The following WAPL variants were observed in gnomAD, a reference collection of about 807,000 sequenced individuals.
WAPL encodes the protein WAPL cohesin release factor, also known as wings apart-like protein homolog.
In WAPL, 5 loss-of-function variants were observed where a neutral mutation model predicts 121.0. The observed-to-expected ratio is 0.04, with a 90% CI of 0.02 to 0.09. WAPL has a LOEUF of 0.09. WAPL is among the 10% of genes least tolerant of loss of function. The pLI is 1.00. For synonymous variants in WAPL, 480 were observed against 481.5 expected (o/e 1.00, Z 0.04); for missense variants, 999 against 1,410.8 (o/e 0.71, Z 4.68).
At chr10:86,491,340 C>T (rs962253683) in intron 4 of WAPL, among the ~76,000 whole-genome samples, 14 of 151,608 alleles carry the variant, frequency 9.2e-5, no homozygotes, top group Non-Finnish European at 1.0e-4. Flanking sequence ...GGGATTTCAC[C>T]GTGTTAGCCA....
intron 3 of WAPL, among the ~76,000 whole-genome samples, chr10:86,499,484 T>G (rs1842205978): frequency 6.6e-6 from 1 of 152,192 alleles, no homozygotes. Flanking sequence ...ATACCTATGA[T>G]AAAGTTTAAT....
At chr10:86,469,255 T>G (rs1841477280) in intron 8 of WAPL, among the ~76,000 whole-genome samples, 9 of 532 alleles carry the variant, frequency 0.017, 2 homozygotes, top group African/African-American at 0.16. Flanking sequence ...TTTTTTTTTT[T>G]TTTTTTTTTT....
At chr10:86,515,151 T>C (rs2132234079) in intron 2 of WAPL, among the ~76,000 whole-genome samples, 1 of 150,800 alleles carries the variant, frequency 6.6e-6, no homozygotes, top group East Asian at 2.0e-4. Flanking sequence ...TCCCAGCTAC[T>C]CGGGGGGACT....
rs3837338 is a variant in WAPL, at chr10:86,472,378, C to CTAGG, written c.1894-38_1894-35dup. ...AAAAAAAAAGTTCACCCCTTTTTAA[C>CTAGG]TAGGAACTAGCATATTTAAATCTAT... On this transcript the variant is annotated intron_variant, in intron 6 of 18. Coordinates refer to ENST00000298767, the MANE Select transcript of WAPL (RefSeq NM_015045.5). This position sits in a 1 kb window ranked among gnomAD's most constrained non-coding sequence, Gnocchi z 4.2. The CTAGG allele has an allele frequency of 6.7e-3, 10,605 of 1,584,338 alleles. 244 individuals are homozygous for CTAGG. In the African/African-American group the frequency reaches 0.077, roughly 11 times the overall value.
intron 12 of WAPL, among the ~76,000 whole-genome samples, 181 bp downstream of exon 12, chr10:86,458,808 T>C (rs1256753175): frequency 6.6e-6 from 1 of 152,212 alleles, no homozygotes; most frequent in African/African-American, 2.4e-5. Flanking sequence ...GAATCCACAC[T>C]GTCATTTTGT....
intron 16 of WAPL, 96 bp from the exon 17 acceptor site, chr10:86,443,459 C>A: frequency 2.1e-6 from 2 of 949,158 alleles, no homozygotes; most frequent in South Asian, 1.7e-5. Flanking sequence ...TTTAAAACTG[C>A]TACAAATCAA....
At chr10:86,499,321 G>GTTT (rs1842202428) in intron 3 of WAPL, among the ~76,000 whole-genome samples, 1 of 152,096 alleles carries the variant, frequency 6.6e-6, no homozygotes, top group African/African-American at 2.4e-5. Flanking sequence ...TGAGTATCTA[G>GTTT]GAAGAAACTA....
chr10:86,506,330 C>T (rs1010132061), intron 2 of WAPL, among the ~76,000 whole-genome samples: 2 of 152,204 alleles, frequency 1.3e-5, no homozygotes, highest in Non-Finnish European at 2.9e-5. Flanking sequence ...TGGCACAATT[C>T]TATTTCCTAA....
chr10:86,506,143 G>C (rs1842344367), intron 2 of WAPL, among the ~76,000 whole-genome samples: 1 of 152,182 alleles, frequency 6.6e-6, no homozygotes, highest in South Asian at 2.1e-4. Context: ...GCTGAGGCAG[G>C]AAGATTACCT....
chr10:86,489,518 G>A (rs1841997706), intron 4 of WAPL, among the ~76,000 whole-genome samples: 1 of 152,120 alleles, frequency 6.6e-6, no homozygotes, highest in African/African-American at 2.4e-5. Flanking sequence ...AGCAATGGGA[G>A]GAGGATGCAT....
At chr10:86,500,836 A>C (rs2132221847) in intron 2 of WAPL, 93 bp from the exon 3 acceptor site, 1 of 1,049,292 alleles carries the variant, frequency 9.5e-7, no homozygotes, top group South Asian at 1.8e-5. Flanking sequence ...GTATATGATC[A>C]ATCTTGGAAG....
At chr10:86,516,816 T>C (rs1842563799) in intron 2 of WAPL, among the ~76,000 whole-genome samples, 1 of 152,076 alleles carries the variant, frequency 6.6e-6, no homozygotes, top group Non-Finnish European at 1.5e-5. Flanking sequence ...CCGGGCACGG[T>C]GGCTCATGCC....
rs1213760261 is a variant in WAPL, at chr10:86,452,126, T to C, written c.2955A>G (p.Leu985=). The C allele has an allele frequency of 3.1e-6, 5 of 1,612,874 alleles. No individual in the cohort carries two copies. Among genetic ancestry groups the C allele is most frequent in the East Asian group, 2.2e-5 (1 of 44,864 alleles). The part of the protein sequence containing the change: ...EQRFDIRVLG[L]GLLINLVEYS... ...ACTCCACTAGATTTATCAGCAGACC[T>C]AAGCCCTTCAAAAAGTTTAAAAGAC... Residue 985 remains leucine, a synonymous_variant, in exon 15 of 19, where the codon TTA becomes TTG. Coordinates refer to ENST00000298767, the MANE Select transcript of WAPL (RefSeq NM_015045.5).
At chr10:86,513,063 T>C (rs1842495199) in intron 2 of WAPL, among the ~76,000 whole-genome samples, 1 of 152,172 alleles carries the variant, frequency 6.6e-6, no homozygotes, top group African/African-American at 2.4e-5. Context: ...TTTTTGTTTT[T>C]TGAGATGGAG....
intron 4 of WAPL, among the ~76,000 whole-genome samples, chr10:86,486,612 A>G (rs565433906): frequency 6.6e-6 from 1 of 152,196 alleles, no homozygotes; most frequent in Non-Finnish European, 1.5e-5. Flanking sequence ...AGAGTTAGAC[A>G]AAAGATAGTG....
In WAPL at chr10:86,453,736, A is replaced by G. The variant is rs371832592; in HGVS notation, c.2753T>C (p.Val918Ala). The G allele has an allele frequency of 5.0e-6, 8 of 1,614,202 alleles. No homozygotes were observed. Among genetic ancestry groups the G allele is most frequent in the African/African-American group, 1.3e-5 (1 of 75,066 alleles). The part of the protein sequence containing the change: ...ADSKPLPHQN[V>A]TNHVGKAVED... Reference sequence around the variant, plus strand: ...CACTGCTTTGCCTACATGGTTAGTTACATTCTGGTGAGGCAGAGGCTTACT... The same window carrying G: ...CACTGCTTTGCCTACATGGTTAGTTGCATTCTGGTGAGGCAGAGGCTTACT... Residue 918 changes from valine to alanine, a missense_variant, in exon 13 of 19, where the codon GTA becomes GCA. By Grantham distance (64) the Val-to-Ala change is moderately conservative. Around this residue, in one of 7 missense-constraint regions of WAPL, gnomAD observed 85 missense variants for 133.5 expected, o/e 0.64. Coordinates refer to ENST00000298767, the MANE Select transcript of WAPL (RefSeq NM_015045.5).
chr10:86,490,778 G>C (rs1842029967), intron 4 of WAPL, among the ~76,000 whole-genome samples: 1 of 152,030 alleles, frequency 6.6e-6, no homozygotes, highest in Non-Finnish European at 1.5e-5. Context: ...TGTTAAATTT[G>C]AAGGCCGGGC....
At chr10:86,448,913 T>C (rs1465156919) in intron 15 of WAPL, among the ~76,000 whole-genome samples, 5 of 152,226 alleles carry the variant, frequency 3.3e-5, no homozygotes, top group African/African-American at 1.2e-4. Flanking sequence ...TGAGCCACCA[T>C]GTCTGGCCTG....
At chr10:86,448,715 T>C (rs1203848804) in intron 15 of WAPL, among the ~76,000 whole-genome samples, 1 of 152,116 alleles carries the variant, frequency 6.6e-6, no homozygotes, top group African/African-American at 2.4e-5. Flanking sequence ...CCTGGGCTCA[T>C]GTGATTCTCC....
Sources: gnomAD v4.1 joint callset for allele counts (sites outside exome capture counted in the v4.1 genomes callset) on GRCh38, gnomAD v4.1.1 for gene constraint, gnomAD v4.1.1 regional missense constraint, Gnocchi (gnomAD v3.1) non-coding constraint, MANE v1.5 for transcripts, NCBI Gene and HGNC (gene_info 2026-07-23, HGNC 2026-07-21) for gene names.